Variants in MYO1D observed in about 807,000 individuals in gnomAD.
MYO1D encodes myosin ID, also known as unconventional myosin-Id.
In MYO1D, 83 loss-of-function variants were observed where a neutral mutation model predicts 122.0. That is an observed-to-expected ratio of 0.68 (90% CI 0.57 to 0.82). MYO1D has a LOEUF of 0.82. Ranked by LOEUF, MYO1D falls within the 40% of genes least tolerant of loss-of-function variation. MYO1D has a pLI of 0.00. For missense variants in MYO1D, 1,157 were observed against 1,269.5 expected, an observed-to-expected ratio of 0.91 and a Z score of 1.35; for synonymous variants, 464 against 446.9, an observed-to-expected ratio of 1.04 and a Z score of -0.48.
chr17:32,529,965 C>T (rs1476262533), intron 21 of MYO1D: 2 of 152,248 alleles, frequency 1.3e-5, no homozygotes, highest in Non-Finnish European at 1.5e-5. Flanking sequence ...GCGTTTTAAA[C>T]TCCTTGGTTC....
At chr17:32,818,929 TA>T (rs1369906963) in intron 1 of MYO1D, among the ~76,000 whole-genome samples, 2 of 152,128 alleles carry the variant, frequency 1.3e-5, no homozygotes, top group South Asian at 4.1e-4. Flanking sequence ...TTAATAGAAA[TA>T]AAAGAGAATT....
At position 32,841,952 on chromosome 17, in the gene MYO1D, AAGAG is replaced by A. The variant is rs142250914; in HGVS notation, c.95+34822_95+34825del. On this transcript the variant is annotated intron_variant, in intron 1 of 21. Transcript: ENST00000318217. ...CTAAGAAAGAGACATTACACAAAAT[AAGAG>A]AGAGAGAGAGCAGTCTAGGGAAGCA... 9.0e-3 allele frequency among the ~76,000 whole-genome samples: 1,363 copies of A among 151,870 alleles called. 3 individuals are homozygous for A. The highest frequency in any genetic ancestry group is 0.014 in the Non-Finnish European group (968 of 67,880).
chr17:32,851,898 C>T (rs531833716), intron 1 of MYO1D, among the ~76,000 whole-genome samples: 1 of 152,208 alleles, frequency 6.6e-6, no homozygotes, highest in Non-Finnish European at 1.5e-5. Context: ...CGGTTCCTAA[C>T]AGACCACCGT....
chr17:32,869,587 T>C (rs1338664840), intron 1 of MYO1D, among the ~76,000 whole-genome samples: 1 of 152,180 alleles, frequency 6.6e-6, no homozygotes, highest in Non-Finnish European at 1.5e-5. Flanking sequence ...CTCCTAGAGA[T>C]AGTGTCCATT....
At chr17:32,786,031 C>T (rs2090290082) in intron 1 of MYO1D, among the ~76,000 whole-genome samples, 1 of 152,160 alleles carries the variant, frequency 6.6e-6, no homozygotes, top group African/African-American at 2.4e-5. Context: ...GAAAACTAGA[C>T]CTAGTTGAGG....
intron 16 of MYO1D, among the ~76,000 whole-genome samples, chr17:32,681,658 G>A (rs2088919285): frequency 6.6e-6 from 1 of 151,774 alleles, no homozygotes; most frequent in African/African-American, 2.4e-5. Context: ...GCTGAGGAGA[G>A]CTTTACTTCC....
chr17:32,653,793 T>A (rs1198683938), intron 19 of MYO1D, 50 bp downstream of exon 19: 9 of 1,503,632 alleles, frequency 6.0e-6, no homozygotes, highest in Non-Finnish European at 8.3e-6. Flanking sequence ...GTGAGTTTCA[T>A]CTGAATCAGT....
chr17:32,746,243 T>A (rs905660376), intron 12 of MYO1D, among the ~76,000 whole-genome samples: 1 of 152,240 alleles, frequency 6.6e-6, no homozygotes, highest in Non-Finnish European at 1.5e-5. Context: ...TTCTTAATAC[T>A]TTCAAGTCAC....
chr17:32,596,654 C>T (rs73278258), intron 21 of MYO1D, among the ~76,000 whole-genome samples: 61 of 152,308 alleles, frequency 4.0e-4, no homozygotes, highest in African/African-American at 1.4e-3. Context: ...TAAAGAAGAA[C>T]AAGAAGCAGA....
intron 1 of MYO1D, among the ~76,000 whole-genome samples, chr17:32,805,199 A>G (rs2090500177): frequency 6.6e-6 from 1 of 152,194 alleles, no homozygotes; most frequent in East Asian, 1.9e-4. Flanking sequence ...TCTGCTATCA[A>G]TATCTTGATC....
chr17:32,533,042 C>G (rs781674528), intron 21 of MYO1D, among the ~76,000 whole-genome samples: 28 of 152,146 alleles, frequency 1.8e-4, no homozygotes, highest in Non-Finnish European at 1.6e-4. Flanking sequence ...CAAGGCACAG[C>G]GTGTTCTGGT....
intron 21 of MYO1D, among the ~76,000 whole-genome samples, chr17:32,556,512 C>G (rs2087069786): frequency 6.6e-6 from 1 of 151,966 alleles, no homozygotes; most frequent in African/African-American, 2.4e-5. Flanking sequence ...CTCACACAAG[C>G]CCACTGTAAA....
intron 1 of MYO1D, 135 bp downstream of exon 1, chr17:32,876,643 G>C (rs1290237405): frequency 1.6e-6 from 1 of 636,526 alleles, no homozygotes; most frequent in African/African-American, 2.0e-5. Context: ...CAGACCCCCG[G>C]ACACCGCAGC....
At chr17:32,680,310 G>A (rs1445600554) in intron 16 of MYO1D, among the ~76,000 whole-genome samples, 3 of 7,802 alleles carry the variant, frequency 3.8e-4, no homozygotes, top group African/African-American at 7.5e-4. Context: ...GAATAGGAGC[G>A]GTGAGAGAGG....
At chr17:32,629,777 AG>A (rs1383157669) in intron 20 of MYO1D, among the ~76,000 whole-genome samples, 2 of 152,174 alleles carry the variant, frequency 1.3e-5, no homozygotes, top group Non-Finnish European at 2.9e-5. Context: ...GAGGGCGGAA[AG>A]AAAAGGTGCT....
At chr17:32,622,496 C>T (rs986150764) in intron 20 of MYO1D, among the ~76,000 whole-genome samples, 2 of 151,918 alleles carry the variant, frequency 1.3e-5, no homozygotes, top group African/African-American at 4.8e-5. Flanking sequence ...GGTGATGTGG[C>T]CTGTGAAGAA....
At position 32,737,167 on chromosome 17, in the gene MYO1D, C is replaced by T. The variant is rs989600817; in HGVS notation, c.1746+1086G>A. 4.6e-5 allele frequency among the ~76,000 whole-genome samples: 7 copies of T among 152,170 alleles called. No homozygotes were observed. In the East Asian group the frequency reaches 9.6e-4, roughly 21 times the overall value. On this transcript the variant is annotated intron_variant, in intron 14 of 21. Transcript: ENST00000318217. ...CGAAGAAGAAACTACATAGGAGAAGCACCAGAAGAGAAAGATAAAAATGAA... is the reference window on the plus strand; with the variant it reads ...CGAAGAAGAAACTACATAGGAGAAGTACCAGAAGAGAAAGATAAAAATGAA...
chr17:32,797,043 T>A (rs1003972945), intron 1 of MYO1D, among the ~76,000 whole-genome samples: 3 of 151,998 alleles, frequency 2.0e-5, no homozygotes, highest in Non-Finnish European at 4.4e-5. Context: ...CGATCTCAGC[T>A]CACTTCAACC....
rs568421105 is a variant in MYO1D, at chr17:32,809,000, TATAA to T, written c.96-28220_96-28217del. On this transcript the variant is annotated intron_variant, in intron 1 of 21. Coordinates refer to ENST00000318217, the MANE Select transcript of MYO1D (RefSeq NM_015194.3). ...GTAAACATGTGTACGTATACGTACA[TATAA>T]ATACACACATGCACACACATATGTA... Among the ~76,000 whole-genome samples, 247 of 152,314 alleles carry T rather than the reference TATAA, an allele frequency of 1.6e-3. 1 individual carries two copies. The highest frequency in any genetic ancestry group is 5.4e-3 in the African/African-American group (224 of 41,572).
Sources: gnomAD v4.1 joint callset for allele counts (sites outside exome capture counted in the v4.1 genomes callset) on GRCh38, gnomAD v4.1.1 for gene constraint, MANE v1.5 for transcripts, NCBI Gene and HGNC (gene_info 2026-07-23, HGNC 2026-07-21) for gene names.